Variants in ROBO2 observed in about 807,000 individuals in gnomAD.
ROBO2 encodes the protein roundabout homolog 2.
A neutral mutation model predicts 160.8 loss-of-function variants in ROBO2; 53 were observed. The observed-to-expected ratio is 0.33, with a 90% CI of 0.26 to 0.41. The LOEUF (loss-of-function observed/expected upper bound fraction) is 0.41, where lower values mean the gene tolerates loss of function less well. Among genes scored for constraint, ROBO2 ranks in the 10% least tolerant of loss-of-function variants. The pLI, the probability that ROBO2 is intolerant of heterozygous loss-of-function variation, is 1.00. For synonymous variants in ROBO2, 664 were observed against 611.7 expected (o/e 1.09, Z -1.26); for missense variants, 1,577 against 1,722.4 (o/e 0.92, Z 1.49).
At chr3:77,360,039 G>A (rs7642312) in intron 2 of ROBO2, among the ~76,000 whole-genome samples, 48,550 of 151,964 alleles carry the variant, frequency 0.32, 8,197 homozygotes, top group Non-Finnish European at 0.38. Context: ...AAGTGTAGAA[G>A]TTGAAGTACT....
At chr3:76,714,877 T>C (rs2093354776) in intron 2 of ROBO2, among the ~76,000 whole-genome samples, 1 of 152,302 alleles carries the variant, frequency 6.6e-6, no homozygotes, top group Admixed American at 6.5e-5. Context: ...AGTCTGTTTT[T>C]CTTGTTAGTG....
chr3:77,492,303 G>A (rs1395234806), intron 4 of ROBO2, among the ~76,000 whole-genome samples: 1 of 152,114 alleles, frequency 6.6e-6, no homozygotes, highest in Non-Finnish European at 1.5e-5. Flanking sequence ...TATCCAAAAG[G>A]GAAGAAACTG....
chr3:77,528,204 A>C (rs2091346169), intron 6 of ROBO2, among the ~76,000 whole-genome samples: 1 of 151,704 alleles, frequency 6.6e-6, no homozygotes, highest in African/African-American at 2.4e-5. Context: ...AAATTTTGGT[A>C]ATTGTGTTAC....
exon 16 of ROBO2, chr3:77,580,011 C>T (rs1211392180): frequency 6.2e-7 from 1 of 1,613,624 alleles, no homozygotes; most frequent in East Asian, 2.2e-5. Flanking sequence ...GCCATTCGGT[C>T]CGTAATAATT....
chr3:77,362,227 T>C lies in ROBO2; in HGVS notation c.389-115187T>C, dbSNP rs189274899. On this transcript the variant is annotated intron_variant, in intron 2 of 25. Coordinates refer to ENST00000461745, the Ensembl canonical transcript of ROBO2. ...TTAGTCAGGTCTATTGCAATAGACA[T>C]AGGGACCATGAAAATGGGATTTTGC... Among the ~76,000 whole-genome samples the C allele has an allele frequency of 1.1e-4, 17 of 152,154 alleles. No homozygotes were observed. The East Asian group carries it at 3.1e-3, about 28-fold the overall frequency.
At chr3:76,903,479 G>A (rs2075373967) in intron 2 of ROBO2, among the ~76,000 whole-genome samples, 1 of 152,088 alleles carries the variant, frequency 6.6e-6, no homozygotes, top group Non-Finnish European at 1.5e-5. Context: ...ATGATTCAGT[G>A]AAACTCAGGT....
chr3:76,745,797 ATTTTTATTTATT>A (rs2093876447), intron 2 of ROBO2, among the ~76,000 whole-genome samples: 1 of 99,794 alleles, frequency 1.0e-5, no homozygotes, highest in Non-Finnish European at 2.0e-5. Context: ...TAAAAAATTT[ATTTTTATTTATT>A]TATTTATTTA....
At chr3:75,981,763 TACAA>T (rs1215213819) in intron 2 of ROBO2, among the ~76,000 whole-genome samples, 2 of 151,382 alleles carry the variant, frequency 1.3e-5, no homozygotes, top group African/African-American at 4.8e-5. Flanking sequence ...TCCTTTGAGT[TACAA>T]ACAATCCAGT....
intron 2 of ROBO2, among the ~76,000 whole-genome samples, chr3:76,597,021 C>T (rs947027022): frequency 2.6e-5 from 4 of 152,014 alleles, no homozygotes; most frequent in East Asian, 1.9e-4. Flanking sequence ...CATCTTAGCC[C>T]GACAATTGAT....
At chr3:77,069,603 G>A (rs1021678009) in intron 1 of ROBO2, among the ~76,000 whole-genome samples, 15 of 152,172 alleles carry the variant, frequency 9.9e-5, no homozygotes, top group African/African-American at 3.4e-4. Context: ...ACATTTTGTT[G>A]ACACATCTGG....
chr3:76,027,349 G>A (rs2066779575), intron 2 of ROBO2, among the ~76,000 whole-genome samples: 2 of 151,888 alleles, frequency 1.3e-5, no homozygotes, highest in African/African-American at 4.8e-5. Flanking sequence ...CTGGTGGACA[G>A]AATCTTGCTG....
chr3:77,192,650 CT>C (rs71629633), intron 2 of ROBO2, among the ~76,000 whole-genome samples: 517 of 109,988 alleles, frequency 4.7e-3, no homozygotes, highest in East Asian at 0.015. Context: ...AACACAATTC[CT>C]TTTTTTTTTT....
At chr3:76,231,544 A>G (rs1421186549) in intron 2 of ROBO2, among the ~76,000 whole-genome samples, 2 of 151,966 alleles carry the variant, frequency 1.3e-5, no homozygotes, top group Non-Finnish European at 2.9e-5. Flanking sequence ...CTGTAGTTTC[A>G]TTTACTATCT....
chr3:76,600,028 G>A (rs1360216596), intron 2 of ROBO2, among the ~76,000 whole-genome samples: 1 of 152,082 alleles, frequency 6.6e-6, no homozygotes, highest in Non-Finnish European at 1.5e-5. Context: ...CCTTTGCTGT[G>A]CAGATGAACT....
intron 2 of ROBO2, among the ~76,000 whole-genome samples, chr3:76,119,608 A>G (rs946115517): frequency 6.6e-6 from 1 of 151,910 alleles, no homozygotes; most frequent in African/African-American, 2.4e-5. Context: ...CTTCTAGGGC[A>G]CATGTACCCT....
At chr3:76,916,240 G>T (rs565715893) in intron 2 of ROBO2, among the ~76,000 whole-genome samples, 5 of 152,160 alleles carry the variant, frequency 3.3e-5, no homozygotes, top group Non-Finnish European at 7.3e-5. Context: ...ATCTGTACTC[G>T]AATGAGACTT....
At chr3:76,834,216 T>TCTCTCTCTCTCTCTCTCTCTCTCTC in intron 2 of ROBO2, among the ~76,000 whole-genome samples, 1 of 149,830 alleles carries the variant, frequency 6.7e-6, no homozygotes. Flanking sequence ...TTTCTTGTTT[T>TCTCTCTCTCTCTCTCTCTCTCTCTC]TTTCTTGAGA....
At chr3:75,978,047 T>C (rs1440202547) in intron 2 of ROBO2, among the ~76,000 whole-genome samples, 1 of 151,546 alleles carries the variant, frequency 6.6e-6, no homozygotes, top group South Asian at 2.1e-4. Context: ...AAAATAGTGA[T>C]ATATTACACA....
At chr3:77,023,670 G>A (rs1454753744) in intron 2 of ROBO2, among the ~76,000 whole-genome samples, 1 of 152,088 alleles carries the variant, frequency 6.6e-6, no homozygotes, top group Non-Finnish European at 1.5e-5. Context: ...TGAAAAGTAA[G>A]AAACCTAAGT....
Sources: allele counts gnomAD v4.1 joint callset (sites outside exome capture counted in the v4.1 genomes callset), GRCh38; gene constraint gnomAD v4.1.1; transcripts MANE v1.5; gene names NCBI Gene and HGNC (gene_info 2026-07-23, HGNC 2026-07-21).